Variants in ARL5B observed in about 807,000 individuals in gnomAD.
The protein encoded by ARL5B is ARF like GTPase 5B.
Under a neutral mutation model 26.9 loss-of-function variants are expected in ARL5B, and 10 were observed. The ratio of observed to expected loss-of-function variants is 0.37; its 90% confidence interval spans 0.23 to 0.63. The LOEUF is 0.63. Ranked by LOEUF, ARL5B falls within the 30% of genes least tolerant of loss-of-function variation. The pLI is 0.62. For missense variants in ARL5B, 167 were observed against 213.9 expected (o/e 0.78, Z 1.37); for synonymous variants, 87 against 70.4 (o/e 1.24, Z -1.18).
chr10:18,670,078 G>T (rs1187011939), intron 3 of ARL5B, among the ~76,000 whole-genome samples: 1 of 151,556 alleles, frequency 6.6e-6, no homozygotes, highest in Non-Finnish European at 1.5e-5. Flanking sequence ...GAACAAAGTT[G>T]CCTCTTTAAA....
rs941520399 is a variant in ARL5B at position 18,680,259 on chromosome 10, TAAC to T, written c.*5044_*5046del. ...CTGTATTTGAAATATGCAAAATTCA[TAAC>T]TAAGGGATAGCATTCCTTGGAGACT... is the stretch of plus-strand genomic sequence containing the variant. On this transcript the variant is annotated 3_prime_UTR_variant, in exon 6 of 6. Coordinates refer to ENST00000377275, the MANE Select transcript of ARL5B (RefSeq NM_178815.5). 1 of 152,056 alleles carries T rather than the reference TAAC, an allele frequency of 6.6e-6. No homozygotes were observed. Among genetic ancestry groups the T allele is most frequent in the African/African-American group, 2.4e-5 (1 of 41,426 alleles). The allele number at this position is 152,056 out of a possible 1,614,324, so 9.4% of individuals were successfully genotyped here.
chr10:18,671,687 A>T (rs548951797), intron 3 of ARL5B, among the ~76,000 whole-genome samples: 1 of 150,162 alleles, frequency 6.7e-6, no homozygotes, highest in East Asian at 2.0e-4. Flanking sequence ...TTTTTAAAAA[A>T]TGAGTTAGGG....
chr10:18,668,516 C>T lies in ARL5B; in HGVS notation c.108-14C>T. 2 of 1,612,590 alleles carry T rather than the reference C, an allele frequency of 1.2e-6. No homozygotes were observed. Among genetic ancestry groups the T allele is most frequent in the Non-Finnish European group, 1.7e-6 (2 of 1,179,466 alleles). On this transcript the variant is annotated splice_polypyrimidine_tract_variant and intron_variant, in intron 2 of 5. Coordinates refer to ENST00000377275, the MANE Select transcript of ARL5B (RefSeq NM_178815.5). ...AGATTTACAAGAGCTTTTACGGTGT[C>T]TGTTTTTCAACAGCTTAATGAATGA...
At chr10:18,673,607 A>AT (rs1394994970) in intron 4 of ARL5B, among the ~76,000 whole-genome samples, 7 of 152,276 alleles carry the variant, frequency 4.6e-5, no homozygotes, top group Non-Finnish European at 8.8e-5. Flanking sequence ...ACCTTATGTT[A>AT]TACAAAGACT....
chr10:18,673,029 C>A (rs1348946045), intron 4 of ARL5B, among the ~76,000 whole-genome samples: 1 of 151,790 alleles, frequency 6.6e-6, no homozygotes, highest in Non-Finnish European at 1.5e-5. Flanking sequence ...CCAAAAGTTT[C>A]AATAACTGAA....
intron 1 of ARL5B, among the ~76,000 whole-genome samples, chr10:18,661,007 C>A (rs1204217067): frequency 1.3e-5 from 2 of 152,116 alleles, no homozygotes; most frequent in African/African-American, 4.8e-5. Context: ...CGCCACCACG[C>A]CCGGCCTATT....
rs568632958 is a variant in ARL5B at position 18,662,052 on chromosome 10, A to G, written c.46+2369A>G. 5.9e-5 allele frequency among the ~76,000 whole-genome samples: 9 copies of G among 152,354 alleles called. No homozygotes were observed. The South Asian group carries it at 1.4e-3, about 25-fold the overall frequency. ...AATCCACAGATGTATCTTAGCCTAT[A>G]TTTTTGTTTTCTGCATCAACAAAAT... is the stretch of plus-strand genomic sequence containing the variant. On this transcript the variant is annotated intron_variant, in intron 1 of 5. Coordinates refer to ENST00000377275, the MANE Select transcript of ARL5B (RefSeq NM_178815.5).
At chr10:18,660,662 G>A (rs1438179466) in intron 1 of ARL5B, among the ~76,000 whole-genome samples, 1 of 152,134 alleles carries the variant, frequency 6.6e-6, no homozygotes, top group Non-Finnish European at 1.5e-5. Flanking sequence ...GACTTGTTCT[G>A]TAGATTGATA....
rs1023252918 is a variant in ARL5B, at chr10:18,676,665, A to G, written c.*1449A>G. The G allele has an allele frequency of 2.0e-5, 3 of 152,068 alleles. No individual in the cohort carries two copies. The South Asian group carries it at 6.2e-4, about 31-fold the overall frequency. The allele number at this position is 152,068 out of a possible 1,614,324, so 9.4% of individuals were successfully genotyped here. A position where few individuals can be genotyped will look rare whatever the true frequency, so the allele number is the denominator to read the frequency against. On this transcript the variant is annotated 3_prime_UTR_variant, in exon 6 of 6. Transcript: ENST00000377275. Reference sequence around the variant, plus strand: ...ACTTTTTAATTTTGATAAAAAAGATACAAAGTTCATAATATCAAAATATGT... The same window carrying G: ...ACTTTTTAATTTTGATAAAAAAGATGCAAAGTTCATAATATCAAAATATGT...
intron 1 of ARL5B, among the ~76,000 whole-genome samples, chr10:18,663,281 C>T (rs557627332): frequency 2.6e-5 from 4 of 152,118 alleles, no homozygotes; most frequent in East Asian, 1.9e-4. Context: ...GGATTACAGG[C>T]GTGAGCCACT....
chr10:18,675,357 G>T lies in ARL5B; in HGVS notation c.*141G>T. On this transcript the variant is annotated 3_prime_UTR_variant, in exon 6 of 6. Coordinates refer to ENST00000377275, the MANE Select transcript of ARL5B (RefSeq NM_178815.5). ...AGCAACACTTGAATCAAGTGCAGCT[G>T]AACTGGAACATAAAAGATTTTTTCT... 1 of 718,714 alleles carries T rather than the reference G, an allele frequency of 1.4e-6. No homozygotes were observed. Among genetic ancestry groups the T allele is most frequent in the Admixed American group, 2.8e-5 (1 of 36,098 alleles). 44.5% of individuals were successfully genotyped at this position (718,714 alleles called of 1,614,324 possible). A position where few individuals can be genotyped will look rare whatever the true frequency, so the allele number is the denominator to read the frequency against.
chr10:18,668,746 G>A, intron 3 of ARL5B, 69 bp downstream of exon 3: 15 of 1,474,624 alleles, frequency 1.0e-5, no homozygotes, highest in Non-Finnish European at 1.3e-5. Flanking sequence ...TAATTAGGCT[G>A]CACCTGGGCG....
rs577542775 is a variant in ARL5B, at chr10:18,663,181, G to A, written c.47-3394G>A. 3.8e-4 allele frequency among the ~76,000 whole-genome samples: 58 copies of A among 151,710 alleles called. 1 individual carries two copies. In the South Asian group the frequency reaches 0.011, roughly 28 times the overall value. On this transcript the variant is annotated intron_variant, in intron 1 of 5. Transcript: ENST00000377275. ...CTGCCACCATGCCTGGCTAATTTTC[G>A]TATTTGTAGTAGAGATGGATTTTAC...
rs989934040 is a variant in ARL5B at position 18,680,059 on chromosome 10, A to G, written c.*4843A>G. ...TCTCCTGGAAATGGAGAAATATGAAATGTGCTGTGCATAGCTTTTGGAATA... is the reference window on the plus strand; with the variant it reads ...TCTCCTGGAAATGGAGAAATATGAAGTGTGCTGTGCATAGCTTTTGGAATA... On this transcript the variant is annotated 3_prime_UTR_variant, in exon 6 of 6. Coordinates refer to ENST00000377275, the MANE Select transcript of ARL5B (RefSeq NM_178815.5). The G allele has an allele frequency of 6.6e-6, 1 of 152,026 alleles. No individual in the cohort carries two copies. The highest frequency in any genetic ancestry group is 2.4e-5 in the African/African-American group (1 of 41,446). The allele number at this position is 152,026 out of a possible 1,614,324, so 9.4% of individuals were successfully genotyped here. A position where few individuals can be genotyped will look rare whatever the true frequency, so the allele number is the denominator to read the frequency against.
At chr10:18,671,098 A>T (rs1278579007) in intron 3 of ARL5B, among the ~76,000 whole-genome samples, 2 of 152,158 alleles carry the variant, frequency 1.3e-5, no homozygotes. Context: ...CTCCTTTGCC[A>T]CGCGACATTC....
At chr10:18,664,490 C>T (rs1345474648) in intron 1 of ARL5B, among the ~76,000 whole-genome samples, 13 of 124,982 alleles carry the variant, frequency 1.0e-4, no homozygotes, top group East Asian at 2.8e-4. Context: ...CAGGCTGGAG[C>T]ACAGTGACCC....
intron 2 of ARL5B, among the ~76,000 whole-genome samples, chr10:18,667,655 A>G (rs533803161): frequency 2.6e-5 from 4 of 152,180 alleles, no homozygotes; most frequent in South Asian, 4.1e-4. Context: ...AGCTTTACCA[A>G]TGATTATGAT....
At chr10:18,674,444 C>G (rs924723439) in intron 5 of ARL5B, among the ~76,000 whole-genome samples, 1 of 152,100 alleles carries the variant, frequency 6.6e-6, no homozygotes, top group Non-Finnish European at 1.5e-5. Context: ...TGTAATGTCA[C>G]CTTTCTTTTA....
intron 3 of ARL5B, among the ~76,000 whole-genome samples, chr10:18,670,633 G>A (rs2059882911): frequency 1.3e-5 from 2 of 152,004 alleles, no homozygotes; most frequent in Non-Finnish European, 2.9e-5. Flanking sequence ...AAGAAAGTAA[G>A]GGACAAATGA....
Sources: gnomAD v4.1 joint callset for allele counts (sites outside exome capture counted in the v4.1 genomes callset) on GRCh38, gnomAD v4.1.1 for gene constraint, MANE v1.5 for transcripts, NCBI Gene and HGNC (gene_info 2026-07-23, HGNC 2026-07-21) for gene names.